The following COL16A1 variants were observed in gnomAD, a reference collection of about 807,000 sequenced individuals.
COL16A1 encodes the protein collagen type XVI alpha 1 chain, also known as collagen alpha-1(XVI) chain.
Under a neutral mutation model 266.3 loss-of-function variants are expected in COL16A1, and 189 were observed. That is an observed-to-expected ratio of 0.71 (90% CI 0.63 to 0.80). The LOEUF is 0.80. COL16A1 is among the 30% of genes least tolerant of loss of function. COL16A1 has a pLI of 0.00. For synonymous variants in COL16A1, 740 were observed against 782.3 expected (o/e 0.95, Z 0.90); for missense variants, 1,928 against 2,122.4 (o/e 0.91, Z 1.80).
At chr1:31,673,216 G>A (rs1344599597) in intron 44 of COL16A1, 1 of 338,516 alleles carries the variant, frequency 3.0e-6, no homozygotes, top group Non-Finnish European at 5.8e-6. Flanking sequence ...GGCTCCGAAC[G>A]CCAGCTTCTC....
Position 31,698,260 on chromosome 1 carries a change from AC to A in COL16A1, c.391-89del. The A allele has an allele frequency of 1.3e-6, 2 of 1,566,452 alleles. No homozygotes were observed. The highest frequency in any genetic ancestry group is 1.7e-6 in the Non-Finnish European group (2 of 1,157,712). On this transcript the variant is annotated intron_variant, in intron 5 of 70. Coordinates refer to ENST00000373672, the MANE Select transcript of COL16A1 (RefSeq NM_001856.4). This position sits in a 1 kb window ranked among gnomAD's most constrained non-coding sequence, Gnocchi z 4.1. ...CGTTCAGGGACCTTGAACTCATTTC[AC>A]AGGAGGGGAACTGAGGCCCAGAAAG...
At position 31,654,061 on chromosome 1, in the gene COL16A1, G is replaced by C; in HGVS notation, c.4358-18C>G. On this transcript the variant is annotated intron_variant, in intron 68 of 70. Transcript: ENST00000373672. ...CATTCTCTCTGTAAAAAAAGGACAA[G>C]GACAGGGACAGGTCAGAGGGTCCCC... 6.2e-7 allele frequency: 1 copy of C among 1,607,516 alleles called. No individual in the cohort carries two copies. Among genetic ancestry groups the C allele is most frequent in the Non-Finnish European group, 8.5e-7 (1 of 1,175,624 alleles).
At position 31,697,153 on chromosome 1, in the gene COL16A1, A is replaced by T. The variant is rs528145211; in HGVS notation, c.739-65T>A. 1.2e-6 allele frequency: 2 copies of T among 1,612,658 alleles called. No individual in the cohort carries two copies. The highest frequency in any genetic ancestry group is 2.7e-5 in the African/African-American group (2 of 74,968). Reference sequence around the variant, plus strand: ...CAGACTCCTCCTAAGACCTCCAGGCATCACCTTCCAGACCCTCATCTCCAG... The same window carrying T: ...CAGACTCCTCCTAAGACCTCCAGGCTTCACCTTCCAGACCCTCATCTCCAG... On this transcript the variant is annotated intron_variant, in intron 7 of 70. Transcript: ENST00000373672. The surrounding 1 kb of genome is among the most constrained non-coding windows in gnomAD (Gnocchi z 4.2).
rs570570828 is a variant in COL16A1 at position 31,668,803 on chromosome 1, G to T, written c.3248C>A (p.Pro1083Gln). Residue 1083 changes from proline to glutamine, a missense_variant and splice_region_variant, in exon 50 of 71, where the codon CCG becomes CAG. Around this residue, in one of 2 missense-constraint regions of COL16A1, gnomAD observed 1,552 missense variants for 1,637.2 expected, o/e 0.95. Transcript: ENST00000373672. This position sits in a 1 kb window ranked among gnomAD's most constrained non-coding sequence, Gnocchi z 5.8. Reference protein sequence around the residue: ...LTGLTGDKGEPGPPGQPGYPG... With the variant: ...LTGLTGDKGEQGPPGQPGYPG... ...CAGCCCCTGCCAGCTTCTTCTTACC[G>T]GCTCCCCCTTGTCTCCAGTCAGGCC... is the stretch of plus-strand genomic sequence containing the variant. 1 of 1,613,708 alleles carries T rather than the reference G, an allele frequency of 6.2e-7. No individual in the cohort carries two copies. Among genetic ancestry groups the T allele is most frequent in the East Asian group, 2.2e-5 (1 of 44,856 alleles).
chr1:31,654,150 T>G (rs768821451), intron 68 of COL16A1, 107 bp from the exon 69 acceptor site: 13 of 1,470,624 alleles, frequency 8.8e-6, no homozygotes, highest in Non-Finnish European at 1.1e-5. Flanking sequence ...ACAGCAGCCT[T>G]CCTTCACAGG....
chr1:31,687,970 C>T (rs1250779760), intron 26 of COL16A1, among the ~76,000 whole-genome samples: 1 of 152,196 alleles, frequency 6.6e-6, no homozygotes, highest in South Asian at 2.1e-4. Context: ...GACCCACAGG[C>T]GTAGTGAAGA....
chr1:31,675,074 A>G lies in COL16A1; in HGVS notation c.2827-35T>C, dbSNP rs773625091. ...ACAGATGTGTGGGCTCAAGCAGGTG[A>G]GGGGAAGGAACATGGAGACTTATGG... On this transcript the variant is annotated intron_variant, in intron 43 of 70. Transcript: ENST00000373672. 7 of 1,612,694 alleles carry G rather than the reference A, an allele frequency of 4.3e-6. No homozygotes were observed. The East Asian group carries it at 1.3e-4, about 31-fold the overall frequency.
chr1:31,689,089 C>A lies in COL16A1; in HGVS notation c.1621-4G>T. 6.2e-7 allele frequency: 1 copy of A among 1,613,700 alleles called. No homozygotes were observed. Among genetic ancestry groups the A allele is most frequent in the South Asian group, 1.1e-5 (1 of 91,074 alleles). ...TGCCTTGGATGCCAGGGTCTCCCTG[C>A]AGGGTAAAAAGGTTTGTGGGCTGAG... On this transcript the variant is annotated splice_polypyrimidine_tract_variant and splice_region_variant and intron_variant, in intron 23 of 70. Transcript: ENST00000373672.
At chr1:31,691,262 G>C in intron 19 of COL16A1, 36 bp from the exon 20 acceptor site, 1 of 1,612,298 alleles carries the variant, frequency 6.2e-7, no homozygotes, top group Non-Finnish European at 8.5e-7. Context: ...GAAGTTTCCA[G>C]GGACCACTCG....
At position 31,692,010 on chromosome 1, in the gene COL16A1, G is replaced by C; in HGVS notation, c.1252C>G (p.Arg418Gly). 1 of 1,613,816 alleles carries C rather than the reference G, an allele frequency of 6.2e-7. No individual in the cohort carries two copies. ...GAAGGGTCCCAGGCACCTACGTCCCGGCCTGGCTTTCCCGGCACGCCCTTG... is the reference window on the plus strand; with the variant it reads ...GAAGGGTCCCAGGCACCTACGTCCCCGCCTGGCTTTCCCGGCACGCCCTTG... The part of the protein sequence containing the change: ...GIKGVPGKPG[R>G]DGRPGEICVI... Residue 418 changes from arginine (R) to glycine (G), a missense_variant, in exon 17 of 71, where the codon CGG becomes GGG. Around this residue, in one of 2 missense-constraint regions of COL16A1, gnomAD observed 1,552 missense variants for 1,637.2 expected, o/e 0.95. Transcript: ENST00000373672.
Position 31,695,179 on chromosome 1 carries a change from C to T in COL16A1, c.981+7G>A. 1 of 1,613,800 alleles carries T rather than the reference C, an allele frequency of 6.2e-7. No individual in the cohort carries two copies. The highest frequency in any genetic ancestry group is 8.5e-7 in the Non-Finnish European group (1 of 1,179,928). The stretch of plus-strand genomic sequence containing the variant: ...CGCTCCACCCTGCACACCCTCCATT[C>T]ACTCACATTGCTGTCCCGGGCACCA... On this transcript the variant is annotated splice_region_variant and intron_variant, in intron 11 of 70. Coordinates refer to ENST00000373672, the MANE Select transcript of COL16A1 (RefSeq NM_001856.4).
At position 31,686,465 on chromosome 1, in the gene COL16A1, T is replaced by A. The variant is rs187318241; in HGVS notation, c.1804-186A>T. The A allele has an allele frequency of 1.3e-4, 101 of 793,534 alleles. No individual in the cohort carries two copies. The East Asian group carries it at 2.6e-3, about 20-fold the overall frequency. 49.2% of individuals were successfully genotyped at this position (793,534 alleles called of 1,614,324 possible). On this transcript the variant is annotated intron_variant, in intron 26 of 70. Transcript: ENST00000373672. ...GTAACCAGCCAGGGGCTAGAAGCCCTATTTCTGCCCCCAGCTTCACCTCAT... is the reference window on the plus strand; with the variant it reads ...GTAACCAGCCAGGGGCTAGAAGCCCAATTTCTGCCCCCAGCTTCACCTCAT...
In COL16A1 at chr1:31,685,793, TA is replaced by T; in HGVS notation, c.1885-24del. The T allele has an allele frequency of 6.2e-7, 1 of 1,612,288 alleles. No individual in the cohort carries two copies. The highest frequency in any genetic ancestry group is 8.5e-7 in the Non-Finnish European group (1 of 1,178,990). ...CCCCTGCCAAGCAAGGACATTGAGTTAGGGGGTCCCCCAGGCCCTAGTGCAC... is the reference window on the plus strand; with the variant it reads ...CCCCTGCCAAGCAAGGACATTGAGTTGGGGGTCCCCCAGGCCCTAGTGCAC... On this transcript the variant is annotated intron_variant, in intron 28 of 70. Transcript: ENST00000373672. The surrounding 1 kb of genome is among the most constrained non-coding windows in gnomAD (Gnocchi z 4.0).
chr1:31,669,501 C>A (rs1001546258), intron 49 of COL16A1, among the ~76,000 whole-genome samples: 4 of 152,076 alleles, frequency 2.6e-5, no homozygotes, highest in African/African-American at 9.7e-5. Flanking sequence ...TTAAGGGCAC[C>A]TTTCCTGCCC....
intron 68 of COL16A1, 92 bp downstream of exon 68, chr1:31,654,700 T>G: frequency 6.2e-7 from 1 of 1,605,056 alleles, no homozygotes; most frequent in Non-Finnish European, 8.5e-7. Flanking sequence ...AGGAGGACAT[T>G]GAGCGTTAAG....
intron 63 of COL16A1, 94 bp downstream of exon 63, chr1:31,658,820 T>C (rs1417671255): frequency 7.0e-7 from 1 of 1,430,218 alleles, no homozygotes; most frequent in Admixed American, 2.0e-5. Context: ...TGAGACAAAC[T>C]GTTCTCCATC....
In COL16A1 at chr1:31,672,601, C is replaced by A. The variant is rs1459560423; in HGVS notation, c.3013G>T (p.Ala1005Ser). 2 of 1,606,660 alleles carry A rather than the reference C, an allele frequency of 1.2e-6. No homozygotes were observed. Among genetic ancestry groups the A allele is most frequent in the South Asian group, 2.2e-5 (2 of 90,188 alleles). Residue 1005 changes from alanine to serine, a missense_variant, in exon 46 of 71, where the codon GCC (alanine) becomes TCC (serine). Coordinates refer to ENST00000373672, the MANE Select transcript of COL16A1 (RefSeq NM_001856.4). ...LSLERPRAEE[A>S]RGDNSEGDPG... Reference sequence around the variant, plus strand: ...AGATAAGGCGAGGCACTCACCCGGGCCTCCTCGGCTCTTGGGCGCTCCAGT... The same window carrying A: ...AGATAAGGCGAGGCACTCACCCGGGACTCCTCGGCTCTTGGGCGCTCCAGT...
intron 67 of COL16A1, 55 bp downstream of exon 67, chr1:31,655,259 C>T: frequency 3.2e-6 from 5 of 1,552,966 alleles, no homozygotes; most frequent in Non-Finnish European, 4.3e-6. Flanking sequence ...CCGAGCTCCA[C>T]CCCACATGCC....
chr1:31,683,569 G>A (rs930852667), intron 34 of COL16A1, 138 bp downstream of exon 34: 85 of 1,574,898 alleles, frequency 5.4e-5, no homozygotes, highest in Non-Finnish European at 3.8e-5. Flanking sequence ...CCAGGGCTGC[G>A]GCCTGATCCC....
Sources: allele counts gnomAD v4.1 joint callset (sites outside exome capture counted in the v4.1 genomes callset), GRCh38; gene constraint gnomAD v4.1.1; regional missense constraint gnomAD v4.1.1; non-coding constraint Gnocchi (gnomAD v3.1); transcripts MANE v1.5; gene names NCBI Gene and HGNC (gene_info 2026-07-23, HGNC 2026-07-21).